MAN1A1: variants seen among roughly 807,000 people sequenced by gnomAD.
The protein encoded by MAN1A1 is mannosyl-oligosaccharide 1,2-alpha-mannosidase IA.
A neutral mutation model predicts 70.8 loss-of-function variants in MAN1A1; 29 were observed. The observed-to-expected ratio is 0.41, with a 90% CI of 0.31 to 0.56. The LOEUF is 0.56. MAN1A1 is among the 20% of genes least tolerant of loss of function. The pLI is 0.29. For missense variants in MAN1A1, 747 were observed against 841.3 expected (o/e 0.89, Z 1.39); for synonymous variants, 349 against 330.1 (o/e 1.06, Z -0.62).
At chr6:119,328,744 A>G (rs1438854425) in intron 2 of MAN1A1, among the ~76,000 whole-genome samples, 2 of 152,156 alleles carry the variant, frequency 1.3e-5, no homozygotes, top group African/African-American at 4.8e-5. Context: ...ACGTGTTTAG[A>G]CTTCATCACA....
chr6:119,270,614 G>T (rs7775421), intron 5 of MAN1A1, among the ~76,000 whole-genome samples: 72,224 of 151,904 alleles, frequency 0.48, 17,583 homozygotes, highest in East Asian at 0.74. Flanking sequence ...TTTATTTGGT[G>T]GTCTGAAGTT....
chr6:119,192,997 A>G (rs947443088), intron 9 of MAN1A1, among the ~76,000 whole-genome samples: 1 of 152,206 alleles, frequency 6.6e-6, no homozygotes, highest in Non-Finnish European at 1.5e-5. Context: ...TAGTAAATGA[A>G]GATTTAAGTG....
intron 4 of MAN1A1, among the ~76,000 whole-genome samples, chr6:119,291,390 A>C (rs1483735760): frequency 6.6e-6 from 1 of 152,046 alleles, no homozygotes; most frequent in African/African-American, 2.4e-5. Context: ...AAACGGACTA[A>C]TGCAAGAGAT....
intron 2 of MAN1A1, among the ~76,000 whole-genome samples, chr6:119,330,108 C>A (rs559407457): frequency 6.6e-6 from 1 of 152,300 alleles, no homozygotes; most frequent in Non-Finnish European, 1.5e-5. Context: ...AAGCCCTTGA[C>A]TCTTTGTACA....
At chr6:119,231,121 T>C (rs1261732587) in intron 6 of MAN1A1, among the ~76,000 whole-genome samples, 1 of 152,198 alleles carries the variant, frequency 6.6e-6, no homozygotes, top group African/African-American at 2.4e-5. Context: ...AGACAAGCCC[T>C]GAAGCTTTTG....
chr6:119,305,291 T>C (rs1332783052), intron 3 of MAN1A1, among the ~76,000 whole-genome samples: 4 of 152,186 alleles, frequency 2.6e-5, no homozygotes, highest in East Asian at 3.8e-4. Context: ...CTGATAAAGA[T>C]TATGGCAATT....
chr6:119,223,255 C>T (rs1774415775), intron 6 of MAN1A1, among the ~76,000 whole-genome samples: 2 of 151,988 alleles, frequency 1.3e-5, no homozygotes, highest in Non-Finnish European at 2.9e-5. Context: ...GGTTATATAA[C>T]CATATTACAA....
intron 4 of MAN1A1, among the ~76,000 whole-genome samples, 187 bp from the exon 5 acceptor site, chr6:119,290,950 G>A (rs112324343): frequency 0.017 from 2,619 of 151,874 alleles, 75 homozygotes; most frequent in African/African-American, 0.06. Context: ...TATACGTATC[G>A]AAACATCACT....
intron 5 of MAN1A1, among the ~76,000 whole-genome samples, chr6:119,252,051 A>G (rs1242934145): frequency 6.6e-6 from 1 of 152,080 alleles, no homozygotes; most frequent in African/African-American, 2.4e-5. Flanking sequence ...ATTATTTATC[A>G]TGTCTTAATT....
intron 11 of MAN1A1, among the ~76,000 whole-genome samples, chr6:119,187,881 G>C (rs2114930523): frequency 6.6e-6 from 1 of 152,254 alleles, no homozygotes; most frequent in South Asian, 2.1e-4. Flanking sequence ...CAACACACTG[G>C]GCAGATGGAA....
intron 6 of MAN1A1, among the ~76,000 whole-genome samples, chr6:119,215,055 G>T (rs1226408898): frequency 6.6e-6 from 1 of 151,792 alleles, no homozygotes; most frequent in East Asian, 1.9e-4. Flanking sequence ...GTTGTGGGGT[G>T]GGGGGAAGGG....
At chr6:119,246,939 C>A (rs547646829) in intron 6 of MAN1A1, among the ~76,000 whole-genome samples, 21 of 152,056 alleles carry the variant, frequency 1.4e-4, no homozygotes, top group African/African-American at 5.1e-4. Flanking sequence ...CAATAGAGAA[C>A]GATTAATATC....
intron 5 of MAN1A1, among the ~76,000 whole-genome samples, chr6:119,288,400 C>T (rs573791280): frequency 6.6e-6 from 1 of 151,966 alleles, no homozygotes; most frequent in East Asian, 1.9e-4. Context: ...AAAACTTTAT[C>T]AACTATTTAA....
At position 119,214,060 on chromosome 6, in the gene MAN1A1, G is replaced by C. The variant is rs141443606; in HGVS notation, c.993-9178C>G. 2.8e-3 allele frequency among the ~76,000 whole-genome samples: 425 copies of C among 152,254 alleles called. 8 individuals are homozygous for C. Among genetic ancestry groups the C allele is most frequent in the Admixed American group, 0.025 (386 of 15,296 alleles). ...GCTCACTGCAACCTCCGCCTCTTGG[G>C]TTCAAGCAATTCTCCTTCCTCAGCC... On this transcript the variant is annotated intron_variant, in intron 6 of 12. Coordinates refer to ENST00000368468, the MANE Select transcript of MAN1A1 (RefSeq NM_005907.4).
intron 11 of MAN1A1, among the ~76,000 whole-genome samples, chr6:119,181,702 TTTTG>T (rs1773158520): frequency 6.6e-6 from 1 of 151,670 alleles, no homozygotes; most frequent in African/African-American, 2.4e-5. Flanking sequence ...ACTTTCTTTC[TTTTG>T]TTTGTTTCTA....
intron 6 of MAN1A1, among the ~76,000 whole-genome samples, chr6:119,224,300 T>C (rs1295186262): frequency 6.6e-6 from 1 of 152,230 alleles, no homozygotes; most frequent in Non-Finnish European, 1.5e-5. Context: ...CCTGAATCCA[T>C]GCTCTACTCA....
chr6:119,348,883 G>T lies in MAN1A1; in HGVS notation c.183C>A (p.Phe61Leu), dbSNP rs1236234675. ...TGAGCAGCTTGGAGGAGTCTGGCAGGAAGAAGATCGCCCCGAAGCAGAGCG... is the reference window on the plus strand; with the variant it reads ...TGAGCAGCTTGGAGGAGTCTGGCAGTAAGAAGATCGCCCCGAAGCAGAGCG... Reference protein sequence around the residue: ...FITLCFGAIFFLPDSSKLLSG... With the variant: ...FITLCFGAIFLLPDSSKLLSG... The change falls in exon 2 of 13, where the codon TTC becomes TTA. Residue 61 changes from phenylalanine to leucine, a missense_variant. Transcript: ENST00000368468. The T allele has an allele frequency of 6.5e-7, 1 of 1,535,038 alleles. No homozygotes were observed. The highest frequency in any genetic ancestry group is 2.0e-5 in the Admixed American group (1 of 49,610).
intron 3 of MAN1A1, among the ~76,000 whole-genome samples, chr6:119,304,675 A>G (rs1340632674): frequency 6.6e-6 from 1 of 152,224 alleles, no homozygotes; most frequent in Non-Finnish European, 1.5e-5. Context: ...ATAGCTGGTG[A>G]GAAACAACCA....
intron 2 of MAN1A1, among the ~76,000 whole-genome samples, chr6:119,317,705 TA>T (rs1217892319): frequency 2.6e-5 from 4 of 152,198 alleles, no homozygotes; most frequent in African/African-American, 7.2e-5. Context: ...ATAAAGCTGT[TA>T]AAGAAGAGAC....
Sources: allele counts gnomAD v4.1 joint callset (sites outside exome capture counted in the v4.1 genomes callset), GRCh38; gene constraint gnomAD v4.1.1; transcripts MANE v1.5; gene names NCBI Gene and HGNC (gene_info 2026-07-23, HGNC 2026-07-21).